PACRG: variants seen among roughly 807,000 people sequenced by gnomAD.
PACRG encodes the protein parkin coregulated, also known as parkin coregulated gene protein.
A neutral mutation model predicts 29.7 loss-of-function variants in PACRG; 29 were observed. The observed-to-expected ratio is 0.98, with a 90% CI of 0.73 to 1.33. PACRG has a LOEUF of 1.33. Among genes scored for constraint, PACRG ranks in the 40% most tolerant of loss-of-function variants. The pLI is 0.00. For missense variants in PACRG, 279 were observed against 316.2 expected, an observed-to-expected ratio of 0.88 and a Z score of 0.89; for synonymous variants, 116 against 118.7, an observed-to-expected ratio of 0.98 and a Z score of 0.15.
intron 2 of PACRG, among the ~76,000 whole-genome samples, chr6:162,833,269 G>A (rs1788937006): frequency 6.6e-6 from 1 of 152,106 alleles, no homozygotes; most frequent in Non-Finnish European, 1.5e-5. Context: ...TTGGAAAAAT[G>A]AGAATACTTC....
At chr6:163,068,056 C>T (rs921910136) in intron 3 of PACRG, among the ~76,000 whole-genome samples, 33 of 152,338 alleles carry the variant, frequency 2.2e-4, no homozygotes, top group African/African-American at 7.9e-4. Flanking sequence ...GACATTCACT[C>T]TTCCATCCTC....
chr6:163,279,779 T>A (rs539514358), intron 4 of PACRG, among the ~76,000 whole-genome samples: 26 of 152,360 alleles, frequency 1.7e-4, no homozygotes, highest in Admixed American at 7.2e-4. Context: ...GGCTTTTGTT[T>A]CAAATTATTC....
chr6:162,795,715 A>G lies in PACRG; in HGVS notation c.157-18432A>G, dbSNP rs182156483. On this transcript the variant is annotated intron_variant, in intron 1 of 4. Transcript: ENST00000366888. The stretch of plus-strand genomic sequence containing the variant: ...ATTTTGTGATGTGTAATGATGTGCA[A>G]TCCTTCTATCACAAAATAGTGTGTT... Among the ~76,000 whole-genome samples the G allele has an allele frequency of 4.3e-4, 65 of 152,304 alleles. No homozygotes were observed. The East Asian group carries it at 0.012, about 28-fold the overall frequency.
intron 4 of PACRG, chr6:163,245,085 A>G: frequency 2.2e-6 from 1 of 450,252 alleles, no homozygotes; most frequent in South Asian, 1.6e-5. Context: ...TTCCCAGACT[A>G]AACTCTGCAA....
At chr6:163,006,521 G>T (rs1400415938) in intron 2 of PACRG, among the ~76,000 whole-genome samples, 1 of 151,554 alleles carries the variant, frequency 6.6e-6, no homozygotes, top group Non-Finnish European at 1.5e-5. Context: ...TGTTCTATCA[G>T]TTATTGAGAG....
intron 2 of PACRG, among the ~76,000 whole-genome samples, chr6:162,930,377 A>G (rs1189305477): frequency 6.6e-6 from 1 of 151,542 alleles, no homozygotes; most frequent in African/African-American, 2.4e-5. Flanking sequence ...TACTTTCTTG[A>G]TTTCTTTTTC....
rs1812139572 is a variant in PACRG, at chr6:163,072,315, C to T, written c.463+9994C>T. Among the ~76,000 whole-genome samples, 3 of 151,610 alleles carry T rather than the reference C, an allele frequency of 2.0e-5. No homozygotes were observed. In the South Asian group the frequency reaches 6.3e-4, roughly 32 times the overall value. ...TATATGCAAAGCAATCAATGTTATACAGCATGTCAACATCATCAACATATG... is the reference window on the plus strand; with the variant it reads ...TATATGCAAAGCAATCAATGTTATATAGCATGTCAACATCATCAACATATG... On this transcript the variant is annotated intron_variant, in intron 3 of 4. Coordinates refer to ENST00000366888, the MANE Select transcript of PACRG (RefSeq NM_001080379.2).
chr6:162,997,545 G>C (rs1804183601), intron 2 of PACRG: 1 of 408,536 alleles, frequency 2.4e-6, no homozygotes, highest in Admixed American at 2.9e-5. Flanking sequence ...CAATGTCAAG[G>C]TGGGCCCAAG....
intron 3 of PACRG, among the ~76,000 whole-genome samples, chr6:163,088,211 G>C (rs1349033688): frequency 6.6e-6 from 1 of 152,086 alleles, no homozygotes; most frequent in Admixed American, 6.5e-5. Context: ...TTATAGCCTG[G>C]GTCCTTTTGT....
chr6:163,011,357 C>T (rs935931219), intron 2 of PACRG, among the ~76,000 whole-genome samples: 2 of 152,184 alleles, frequency 1.3e-5, no homozygotes, highest in East Asian at 1.9e-4. Flanking sequence ...AGCAAGTGAT[C>T]GTCCTGAATA....
At chr6:163,008,289 A>G (rs1805309258) in intron 2 of PACRG, among the ~76,000 whole-genome samples, 1 of 152,084 alleles carries the variant, frequency 6.6e-6, no homozygotes, top group Admixed American at 6.6e-5. Context: ...CTTTCTCAGC[A>G]CATATTTTCC....
chr6:163,051,456 C>T (rs973960557), intron 2 of PACRG: 2 of 151,928 alleles, frequency 1.3e-5, no homozygotes, highest in African/African-American at 2.4e-5. Flanking sequence ...GTTTCCTTTT[C>T]ATTATCTGAG....
chr6:162,883,759 A>C (rs751188640), intron 2 of PACRG, among the ~76,000 whole-genome samples: 20 of 151,540 alleles, frequency 1.3e-4, no homozygotes, highest in Non-Finnish European at 1.6e-4. Flanking sequence ...TGACTCTTGA[A>C]CAATGCAGGG....
intron 1 of PACRG, among the ~76,000 whole-genome samples, chr6:162,787,558 T>TTTTGTGTG (rs1784564984): frequency 1.3e-5 from 1 of 78,884 alleles, no homozygotes; most frequent in African/African-American, 5.0e-5. Context: ...TATATGGTTA[T>TTTTGTGTG]TGTGTGTGTG....
intron 4 of PACRG, chr6:163,313,985 T>TA (rs1180586769): frequency 1.3e-5 from 2 of 152,220 alleles, no homozygotes; most frequent in Non-Finnish European, 2.9e-5. Flanking sequence ...GCAGCTTGGA[T>TA]ACAATCGCAT....
intron 2 of PACRG, among the ~76,000 whole-genome samples, chr6:163,037,767 G>T (rs1342674512): frequency 6.6e-6 from 1 of 152,182 alleles, no homozygotes; most frequent in Non-Finnish European, 1.5e-5. Flanking sequence ...TTTCCACCCT[G>T]GAGGGGAGGG....
At chr6:162,797,188 C>A (rs527965904) in intron 1 of PACRG, among the ~76,000 whole-genome samples, 1 of 152,250 alleles carries the variant, frequency 6.6e-6, no homozygotes, top group East Asian at 1.9e-4. Context: ...GCAGGAGGAT[C>A]ACTTGAACCC....
In PACRG at chr6:163,052,729, C is replaced by T. The variant is rs148732013; in HGVS notation, c.292-9421C>T. Reference sequence around the variant, plus strand: ...ATGTTTCTTTATAGTAATGTGAAAACGGACTAATACAACCTCACTGTGTTT... The same window carrying T: ...ATGTTTCTTTATAGTAATGTGAAAATGGACTAATACAACCTCACTGTGTTT... On this transcript the variant is annotated intron_variant, in intron 2 of 4. Transcript: ENST00000366888. Among the ~76,000 whole-genome samples the T allele has an allele frequency of 2.2e-4, 33 of 152,226 alleles. No individual in the cohort carries two copies. The East Asian group carries it at 4.4e-3, about 20-fold the overall frequency.
At chr6:163,148,635 A>T (rs577816723) in intron 4 of PACRG, among the ~76,000 whole-genome samples, 11 of 152,126 alleles carry the variant, frequency 7.2e-5, no homozygotes, top group Non-Finnish European at 1.3e-4. Context: ...CAGAATATGG[A>T]AAATCGGTCC....
Sources: gnomAD v4.1 joint callset for allele counts (sites outside exome capture counted in the v4.1 genomes callset) on GRCh38, gnomAD v4.1.1 for gene constraint, MANE v1.5 for transcripts, NCBI Gene and HGNC (gene_info 2026-07-23, HGNC 2026-07-21) for gene names.